Variants in SLC6A15 observed in about 807,000 individuals in gnomAD.
SLC6A15 encodes sodium-dependent neutral amino acid transporter B(0)AT2.
Under a neutral mutation model 68.5 loss-of-function variants are expected in SLC6A15, and 33 were observed. The observed-to-expected ratio is 0.48, with a 90% CI of 0.37 to 0.64. SLC6A15 has a LOEUF of 0.64. Ranked by LOEUF, SLC6A15 falls within the 30% of genes least tolerant of loss-of-function variation. The probability of loss-of-function intolerance (pLI) is 0.00; values close to 1 mark genes in which losing one functional copy is unlikely to be tolerated. For synonymous variants in SLC6A15, 347 were observed against 301.0 expected, an observed-to-expected ratio of 1.15 and a Z score of -1.58; for missense variants, 747 against 874.3, an observed-to-expected ratio of 0.85 and a Z score of 1.84.
In SLC6A15 at chr12:84,860,748, A is replaced by C. The variant is rs977997893; in HGVS notation, c.*884T>G. On this transcript the variant is annotated 3_prime_UTR_variant, in exon 12 of 12. Coordinates refer to ENST00000266682, the MANE Select transcript of SLC6A15 (RefSeq NM_182767.6). ...TTATATTTGCATAAAACAGAAGCAA[A>C]ACAGAAATATATTAATTAAAATGCC... 1.3e-5 allele frequency: 2 copies of C among 152,182 alleles called. No individual in the cohort carries two copies. Among genetic ancestry groups the C allele is most frequent in the Non-Finnish European group, 2.9e-5 (2 of 68,008 alleles). 9.4% of individuals were successfully genotyped at this position (152,182 alleles called of 1,614,324 possible). A position where few individuals can be genotyped will look rare whatever the true frequency, so the allele number is the denominator to read the frequency against.
At chr12:84,875,953 T>G (rs1389120689) in intron 6 of SLC6A15, among the ~76,000 whole-genome samples, 1 of 151,376 alleles carries the variant, frequency 6.6e-6, no homozygotes, top group Non-Finnish European at 1.5e-5. Context: ...CTACAAAACC[T>G]CAAAAAAATT....
At chr12:84,900,223 A>G (rs1268780036) in intron 1 of SLC6A15, among the ~76,000 whole-genome samples, 2 of 151,992 alleles carry the variant, frequency 1.3e-5, no homozygotes, top group African/African-American at 4.8e-5. Flanking sequence ...ATTTCTGATT[A>G]ATGTGTGTTT....
chr12:84,872,239 G>A (rs1871316971), intron 8 of SLC6A15, among the ~76,000 whole-genome samples: 1 of 151,402 alleles, frequency 6.6e-6, no homozygotes, highest in Non-Finnish European at 1.5e-5. Flanking sequence ...ATGCATCAAA[G>A]CAATCATGTA....
intron 5 of SLC6A15, among the ~76,000 whole-genome samples, chr12:84,877,195 T>A (rs945825696): frequency 3.9e-5 from 6 of 152,166 alleles, no homozygotes; most frequent in African/African-American, 1.4e-4. Context: ...CTCCTTGACA[T>A]CTTCCTCTGG....
rs760930686 is a variant in SLC6A15 at position 84,861,837 on chromosome 12, A to C, written c.1988T>G (p.Leu663Arg). Residue 663 changes from leucine to arginine, a missense_variant, in exon 12 of 12, where the codon CTG becomes CGG. Leu to Arg is a moderately radical substitution (Grantham distance 102). Coordinates refer to ENST00000266682, the MANE Select transcript of SLC6A15 (RefSeq NM_182767.6). ...GCCCTCTAAGTTCACAGGCTCTTTC[A>C]GGACCCTTCCTCTCTTATAGGTCAC... ...ASVTYKRGRVLKEPVNLEGDD... is the reference protein window; with the variant it reads ...ASVTYKRGRVRKEPVNLEGDD... 1.9e-6 allele frequency: 3 copies of C among 1,613,814 alleles called. No individual in the cohort carries two copies. Among genetic ancestry groups the C allele is most frequent in the African/African-American group, 1.3e-5 (1 of 74,882 alleles).
chr12:84,883,872 T>G lies in SLC6A15; in HGVS notation c.743A>C (p.Gln248Pro). ...MVCLAMIKGI[Q>P]SSGKIIYFSS... Reference sequence around the variant, plus strand: ...TAACATACTAACTTTTCCAGAAGACTGAATGCCTTTGATCATAGCCAAGCA... The same window carrying G: ...TAACATACTAACTTTTCCAGAAGACGGAATGCCTTTGATCATAGCCAAGCA... Residue 248 changes from glutamine to proline, a missense_variant, in exon 5 of 12, where the codon CAG becomes CCG. By Grantham distance (76) the Gln-to-Pro change is moderately conservative (BLOSUM62 -1). Transcript: ENST00000266682. 1.2e-6 allele frequency: 2 copies of G among 1,614,128 alleles called. No homozygotes were observed. The highest frequency in any genetic ancestry group is 1.7e-6 in the Non-Finnish European group (2 of 1,180,002).
intron 6 of SLC6A15, 22 bp downstream of exon 6, chr12:84,876,475 T>C (rs775317553): frequency 2.2e-5 from 26 of 1,201,292 alleles, no homozygotes; most frequent in African/African-American, 3.1e-5. Flanking sequence ...TCATAAGCCT[T>C]AAATAGAAAT....
intron 5 of SLC6A15, chr12:84,881,489 A>C (rs1871818391): frequency 3.0e-6 from 3 of 985,290 alleles, no homozygotes; most frequent in African/African-American, 3.5e-5. Context: ...GATTTCAGTA[A>C]AATCCAGTAT....
intron 5 of SLC6A15, chr12:84,882,468 A>G: frequency 1.1e-6 from 1 of 944,764 alleles, no homozygotes; most frequent in Non-Finnish European, 1.3e-6. Context: ...GATAAATGTA[A>G]AATCAGCTAC....
chr12:84,906,502 G>GGGA (rs1242787365), intron 1 of SLC6A15, among the ~76,000 whole-genome samples: 2 of 152,146 alleles, frequency 1.3e-5, no homozygotes, highest in African/African-American at 4.8e-5. Context: ...AGAATGAAGT[G>GGGA]GGAGGAATGA....
rs774631923 is a variant in SLC6A15, at chr12:84,883,780, A to G, written c.756+79T>C. On this transcript the variant is annotated intron_variant, in intron 5 of 11. Transcript: ENST00000266682. ...GTGTTATGTGTGATTTGCCCACAGA[A>G]ATCTGTAACAGAATTTGAGAGAGGG... 6 of 1,613,782 alleles carry G rather than the reference A, an allele frequency of 3.7e-6. No homozygotes were observed. In the East Asian group the frequency reaches 1.1e-4, roughly 30 times the overall value.
Position 84,886,070 on chromosome 12 carries a change from TAAAG to T in SLC6A15, c.290-6_290-3del. Reference sequence around the variant, plus strand: ...TTAAATATGGTAAAAGATATGCACCTAAAGAAACAACAACAAAAAATAGATTATA... The same window carrying T: ...TTAAATATGGTAAAAGATATGCACCTAAACAACAACAAAAAATAGATTATA... On this transcript the variant is annotated splice_region_variant and splice_polypyrimidine_tract_variant and intron_variant, in intron 2 of 11. Transcript: ENST00000266682. 1.3e-6 allele frequency: 2 copies of T among 1,570,032 alleles called. No homozygotes were observed. The highest frequency in any genetic ancestry group is 1.7e-6 in the Non-Finnish European group (2 of 1,148,152).
chr12:84,904,319 C>T (rs1480708005), intron 1 of SLC6A15, among the ~76,000 whole-genome samples: 1 of 151,366 alleles, frequency 6.6e-6, no homozygotes. Flanking sequence ...GATATTCCAG[C>T]CCTAGCTGAA....
At chr12:84,887,870 C>CATT (rs1376449689) in intron 2 of SLC6A15, among the ~76,000 whole-genome samples, 1 of 151,914 alleles carries the variant, frequency 6.6e-6, no homozygotes, top group African/African-American at 2.4e-5. Context: ...AGTAGATCTA[C>CATT]ATTCAATCCA....
intron 5 of SLC6A15, among the ~76,000 whole-genome samples, chr12:84,879,349 C>T (rs1056749985): frequency 7.9e-5 from 12 of 151,346 alleles, no homozygotes; most frequent in African/African-American, 2.7e-4. Flanking sequence ...TTTTGGAGAC[C>T]GAGTCTCACT....
intron 1 of SLC6A15, among the ~76,000 whole-genome samples, chr12:84,911,121 A>AG (rs1237690727): frequency 6.6e-6 from 1 of 152,144 alleles, no homozygotes; most frequent in Admixed American, 6.5e-5. Context: ...TGGGTGGGTG[A>AG]GGGGCTTGTT....
intron 1 of SLC6A15, among the ~76,000 whole-genome samples, chr12:84,897,488 T>C (rs1049738213): frequency 6.6e-6 from 1 of 150,872 alleles, no homozygotes; most frequent in African/African-American, 2.5e-5. Flanking sequence ...AAGACTTGTA[T>C]TTGCAAATAA....
At chr12:84,883,259 T>C (rs937580300) in intron 5 of SLC6A15, 1 of 985,410 alleles carries the variant, frequency 1.0e-6, no homozygotes, top group African/African-American at 1.7e-5. Flanking sequence ...ATTCACTTAA[T>C]GTCTTTTTAA....
At chr12:84,867,809 G>C (rs1252380409) in intron 9 of SLC6A15, 2 of 152,126 alleles carry the variant, frequency 1.3e-5, no homozygotes, top group Middle Eastern at 3.2e-3. Flanking sequence ...TGAGCAATCT[G>C]ATCATCCACA....
Sources: allele counts gnomAD v4.1 joint callset (sites outside exome capture counted in the v4.1 genomes callset), GRCh38; gene constraint gnomAD v4.1.1; transcripts MANE v1.5; gene names NCBI Gene and HGNC (gene_info 2026-07-23, HGNC 2026-07-21).